Variants in PDE7B observed in about 807,000 individuals in gnomAD.
PDE7B encodes 3',5'-cyclic-AMP phosphodiesterase 7B.
PDE7B carries 29 observed loss-of-function variants against 56.2 expected under a neutral mutation model. The ratio of observed to expected loss-of-function variants is 0.52; its 90% CI spans 0.38 to 0.70. The LOEUF (loss-of-function observed/expected upper bound fraction) is 0.70. Ranked by LOEUF, PDE7B falls within the 30% of genes least tolerant of loss-of-function variation. The probability of loss-of-function intolerance (pLI) is 0.00; values close to 1 mark genes in which losing one functional copy is unlikely to be tolerated. For synonymous variants in PDE7B, 197 were observed against 196.9 expected (o/e 1.00, Z 0.00); for missense variants, 490 against 565.0 (o/e 0.87, Z 1.35).
At chr6:135,975,121 G>T (rs1199402461) in intron 2 of PDE7B, among the ~76,000 whole-genome samples, 1 of 151,956 alleles carries the variant, frequency 6.6e-6, no homozygotes, top group Non-Finnish European at 1.5e-5. Context: ...CAGGCTCTGT[G>T]TGGCCAACTC....
At chr6:136,048,246 G>A (rs189750028) in intron 2 of PDE7B, among the ~76,000 whole-genome samples, 6 of 152,266 alleles carry the variant, frequency 3.9e-5, no homozygotes, top group East Asian at 1.9e-4. Flanking sequence ...ATGATGGGCT[G>A]GGCGCGGTGG....
At chr6:136,107,631 C>G (rs1777667738) in intron 2 of PDE7B, among the ~76,000 whole-genome samples, 1 of 151,544 alleles carries the variant, frequency 6.6e-6, no homozygotes, top group Non-Finnish European at 1.5e-5. Context: ...CGAAGTGGGT[C>G]TTAACTTTAT....
intron 2 of PDE7B, among the ~76,000 whole-genome samples, chr6:136,009,464 T>C (rs1223936606): frequency 6.6e-6 from 1 of 152,144 alleles, no homozygotes; most frequent in Non-Finnish European, 1.5e-5. Context: ...TTCCTACTCA[T>C]GAGCATGGAA....
At chr6:136,185,928 C>T (rs533660361) in intron 11 of PDE7B, among the ~76,000 whole-genome samples, 3 of 152,152 alleles carry the variant, frequency 2.0e-5, no homozygotes, top group East Asian at 3.9e-4. Context: ...TTTTTTCCAA[C>T]ACAAAAATTA....
intron 2 of PDE7B, among the ~76,000 whole-genome samples, chr6:136,092,401 C>G (rs1190691241): frequency 6.6e-6 from 1 of 152,072 alleles, no homozygotes; most frequent in Non-Finnish European, 1.5e-5. Flanking sequence ...TGTCAGAAAA[C>G]TGGAAAAAGG....
intron 3 of PDE7B, among the ~76,000 whole-genome samples, chr6:136,119,616 T>A (rs1777895652): frequency 6.6e-6 from 1 of 152,210 alleles, no homozygotes; most frequent in African/African-American, 2.4e-5. Context: ...GAGCACAAAA[T>A]CAAAGTTCTT....
intron 5 of PDE7B, among the ~76,000 whole-genome samples, chr6:136,149,352 C>G (rs1046932826): frequency 1.4e-4 from 21 of 152,172 alleles, no homozygotes; most frequent in African/African-American, 5.1e-4. Context: ...ACCTTAGAAT[C>G]TTAGGACAGT....
intron 2 of PDE7B, among the ~76,000 whole-genome samples, chr6:136,052,213 A>C (rs944136024): frequency 1.3e-5 from 2 of 152,232 alleles, no homozygotes; most frequent in Non-Finnish European, 2.9e-5. Flanking sequence ...GTAGGAGGAA[A>C]GAGAAGAGTT....
intron 1 of PDE7B, among the ~76,000 whole-genome samples, chr6:135,892,858 A>G (rs1775832820): frequency 6.6e-6 from 1 of 152,180 alleles, no homozygotes; most frequent in East Asian, 1.9e-4. Flanking sequence ...GCAATGGACC[A>G]AGCTGAAGCT....
At chr6:135,952,373 G>T (rs868709951) in intron 2 of PDE7B, among the ~76,000 whole-genome samples, 11 of 152,110 alleles carry the variant, frequency 7.2e-5, no homozygotes, top group African/African-American at 2.7e-4. Context: ...AAAATTGCAT[G>T]GTGCCTCCAG....
At chr6:135,872,417 A>G (rs1379622827) in intron 1 of PDE7B, among the ~76,000 whole-genome samples, 2 of 152,122 alleles carry the variant, frequency 1.3e-5, no homozygotes, top group African/African-American at 4.8e-5. Context: ...AATATTTTCA[A>G]TTTCACATAA....
Position 135,990,634 on chromosome 6 carries a change from A to G in PDE7B, c.82+43110A>G, listed in dbSNP as rs578214495. Among the ~76,000 whole-genome samples the G allele has an allele frequency of 2.9e-4, 44 of 152,340 alleles. 1 individual carries two copies. The South Asian group carries it at 5.6e-3, about 19-fold the overall frequency. On this transcript the variant is annotated intron_variant, in intron 2 of 12. Coordinates refer to ENST00000308191, the MANE Select transcript of PDE7B (RefSeq NM_018945.4). The stretch of plus-strand genomic sequence containing the variant: ...GTTTTTTCTGGAGATATATTGTGCA[A>G]CATGGTGACTATGGTTAATGACGAC...
chr6:135,860,482 C>T lies in PDE7B; in HGVS notation c.21+8463C>T, dbSNP rs184068701. ...TGGATTAATCTGATACTTTAAACTT[C>T]AGAAATTTTGCTCTGAGAGGCAGTA... On this transcript the variant is annotated intron_variant, in intron 1 of 12. Coordinates refer to ENST00000308191, the MANE Select transcript of PDE7B (RefSeq NM_018945.4). Among the ~76,000 whole-genome samples the T allele has an allele frequency of 3.9e-5, 6 of 152,074 alleles. No individual in the cohort carries two copies. The East Asian group carries it at 5.8e-4, about 15-fold the overall frequency.
chr6:135,871,772 T>TACACACAC lies in PDE7B; in HGVS notation c.21+19771_21+19778dup, dbSNP rs10576996. On this transcript the variant is annotated intron_variant, in intron 1 of 12. Transcript: ENST00000308191. ...CAATGTTGTCGTAAGGATAGGTGTA[T>TACACACAC]ACACACACACACACACACACACACA... 9.3e-5 allele frequency among the ~76,000 whole-genome samples: 14 copies of TACACACAC among 150,626 alleles called. No homozygotes were observed. In the East Asian group the frequency reaches 1.6e-3, roughly 17 times the overall value.
chr6:135,926,582 A>G (rs1774195622), intron 1 of PDE7B, among the ~76,000 whole-genome samples: 1 of 151,960 alleles, frequency 6.6e-6, no homozygotes, highest in Non-Finnish European at 1.5e-5. Context: ...AGCACTTTTC[A>G]AAGAGGGTCA....
At chr6:135,933,102 A>C (rs1330379003) in intron 1 of PDE7B, among the ~76,000 whole-genome samples, 1 of 152,190 alleles carries the variant, frequency 6.6e-6, no homozygotes, top group Non-Finnish European at 1.5e-5. Flanking sequence ...TTCCAAGGTC[A>C]AAGAGCTAGG....
In PDE7B at chr6:136,161,679, C is replaced by T. The variant is rs529064031; in HGVS notation, c.711+5921C>T. On this transcript the variant is annotated intron_variant, in intron 8 of 12. Transcript: ENST00000308191. ...TCTAAGGATTTCACTACACAAGATCCTAAATCTGGCTTCTATCAGATATTG... is the reference window on the plus strand; with the variant it reads ...TCTAAGGATTTCACTACACAAGATCTTAAATCTGGCTTCTATCAGATATTG... Among the ~76,000 whole-genome samples, 5 of 152,244 alleles carry T rather than the reference C, an allele frequency of 3.3e-5. No individual in the cohort carries two copies. The South Asian group carries it at 1.0e-3, about 32-fold the overall frequency.
At chr6:135,984,650 G>A (rs767004695) in intron 2 of PDE7B, among the ~76,000 whole-genome samples, 9 of 152,080 alleles carry the variant, frequency 5.9e-5, no homozygotes, top group Non-Finnish European at 1.3e-4. Flanking sequence ...GGTTTAATAT[G>A]AGAAAAATGA....
chr6:136,006,692 C>T (rs549787641), intron 2 of PDE7B, among the ~76,000 whole-genome samples: 1 of 152,172 alleles, frequency 6.6e-6, no homozygotes, highest in Non-Finnish European at 1.5e-5. Context: ...GGATTGCCTT[C>T]CTAATTTGGC....
Sources: gnomAD v4.1 joint callset for allele counts (sites outside exome capture counted in the v4.1 genomes callset) on GRCh38, gnomAD v4.1.1 for gene constraint, MANE v1.5 for transcripts, NCBI Gene and HGNC (gene_info 2026-07-23, HGNC 2026-07-21) for gene names.